Variants in ZNF594 observed in about 807,000 individuals in gnomAD.
The protein encoded by ZNF594 is zinc finger protein 594, also known as zinc finger protein HZF18.
For missense variants in ZNF594, 1,037 were observed against 964.6 expected (o/e 1.08, Z -0.99); for synonymous variants, 336 against 309.4 (o/e 1.09, Z -0.90).
intron 1 of ZNF594, among the ~76,000 whole-genome samples, chr17:5,186,160 T>TC (rs1199885823): frequency 6.6e-6 from 1 of 152,242 alleles, no homozygotes; most frequent in Non-Finnish European, 1.5e-5. Context: ...GCAGAGGTTC[T>TC]CCATGAGATC....
chr17:5,183,162 T>C lies in ZNF594; in HGVS notation c.1095A>G (p.Glu365=), dbSNP rs531406743. 49 of 1,614,218 alleles carry C rather than the reference T, an allele frequency of 3.0e-5. No homozygotes were observed. The highest frequency in any genetic ancestry group is 1.5e-4 in the African/African-American group (11 of 75,072). The change falls in exon 2 of 2, where the codon GAA becomes GAG. Residue 365 remains glutamate (E), a synonymous_variant. Coordinates refer to ENST00000575779, the MANE Select transcript of ZNF594 (RefSeq NM_032530.2). ...KTFSKDEELR[E]EQRIHQEEKA... ...TCTCTTCCTGGTGAATTCTCTGCTC[T>C]TCCCTAAGCTCCTCATCCTTGCTGA...
At chr17:5,178,118 C>T (rs1390111046), downstream of ZNF594, among the ~76,000 whole-genome samples, 9 of 144,586 alleles carry the variant, frequency 6.2e-5, no homozygotes, top group Admixed American at 3.4e-4. Context: ...ACAATCTGAA[C>T]AGGACCTTAG....
chr17:5,182,378 T>G lies in ZNF594; in HGVS notation c.1879A>C (p.Asn627His). 8.1e-6 allele frequency: 13 copies of G among 1,613,676 alleles called. No homozygotes were observed. Among genetic ancestry groups the G allele is most frequent in the Non-Finnish European group, 1.1e-5 (13 of 1,180,010 alleles). The change falls in exon 2 of 2, where the codon AAC (asparagine) becomes CAC (histidine). Residue 627 changes from asparagine to histidine, a missense_variant. Physicochemically the swap from Asn to His is moderately conservative, Grantham distance 68. Coordinates refer to ENST00000575779, the MANE Select transcript of ZNF594 (RefSeq NM_032530.2). ...CCCCTAAAAGATTTCCCACATTTGTTGCATACATAAGGTTTTTCTCCACTG... is the reference window on the plus strand; with the variant it reads ...CCCCTAAAAGATTTCCCACATTTGTGGCATACATAAGGTTTTTCTCCACTG... ...IHSGEKPYVC[N>H]KCGKSFRGSS...
rs756656229 is a variant in ZNF594, at chr17:5,182,376, G to A, written c.1881C>T (p.Asn627=). 2 of 1,613,108 alleles carry A rather than the reference G, an allele frequency of 1.2e-6. No individual in the cohort carries two copies. The highest frequency in any genetic ancestry group is 8.5e-7 in the Non-Finnish European group (1 of 1,179,894). ...IHSGEKPYVC[N]KCGKSFRGSS... ...TACCCCTAAAAGATTTCCCACATTTGTTGCATACATAAGGTTTTTCTCCAC... is the reference window on the plus strand; with the variant it reads ...TACCCCTAAAAGATTTCCCACATTTATTGCATACATAAGGTTTTTCTCCAC... The change falls in exon 2 of 2, where the codon AAC becomes AAT. Residue 627 remains asparagine (N), a synonymous_variant. Coordinates refer to ENST00000575779, the MANE Select transcript of ZNF594 (RefSeq NM_032530.2).
downstream of ZNF594, among the ~76,000 whole-genome samples, chr17:5,176,714 C>G (rs1200603573): frequency 6.6e-6 from 1 of 151,532 alleles, no homozygotes; most frequent in African/African-American, 2.4e-5. Flanking sequence ...TCAGATAAAT[C>G]CCTGCTTAGA....
At chr17:5,185,977 G>A (rs1033156650) in intron 1 of ZNF594, among the ~76,000 whole-genome samples, 2 of 152,184 alleles carry the variant, frequency 1.3e-5, no homozygotes, top group African/African-American at 4.8e-5. Context: ...GCTTTCACGG[G>A]CTGGTGTTGA....
chr17:5,178,341 G>T (rs118099219), downstream of ZNF594, among the ~76,000 whole-genome samples: 726 of 152,124 alleles, frequency 4.8e-3, 7 homozygotes, highest in African/African-American at 0.015. Context: ...ATTATTTACA[G>T]TATATGTAAA....
Position 5,182,179 on chromosome 17 carries a change from G to C in ZNF594, c.2078C>G (p.Ser693Cys), listed in dbSNP as rs772579828. The C allele has an allele frequency of 3.0e-5, 49 of 1,613,402 alleles. No homozygotes were observed. The highest frequency in any genetic ancestry group is 5.0e-5 in the Admixed American group (3 of 59,980). Residue 693 changes from serine to cysteine, a missense_variant, in exon 2 of 2, where the codon TCC becomes TGC. Coordinates refer to ENST00000575779, the MANE Select transcript of ZNF594 (RefSeq NM_032530.2). ...AAGTCTCCGATGTTGAATAAGGAGG[G>C]AACGCCGCCTGAAGGCATTCCCACA... Reference protein sequence around the residue: ...SECGNAFRRRSLLIQHRRLHS... With the variant: ...SECGNAFRRRCLLIQHRRLHS...
Position 5,182,427 on chromosome 17 carries a change from G to T in ZNF594, c.1830C>A (p.Asp610Glu), listed in dbSNP as rs375618378. ...ECGKTFNQSS[D>E]LLRHHRIHSG... ...TGTGAATTCTATGATGTCTCAGAAG[G>T]TCTGAGCTCTGATTGAAAGTTTTCC... is the stretch of plus-strand genomic sequence containing the variant. Residue 610 changes from aspartate to glutamate, a missense_variant, in exon 2 of 2, where the codon GAC becomes GAA. Transcript: ENST00000575779. 3 of 1,613,474 alleles carry T rather than the reference G, an allele frequency of 1.9e-6. No homozygotes were observed. Among genetic ancestry groups the T allele is most frequent in the Non-Finnish European group, 2.5e-6 (3 of 1,179,958 alleles).
chr17:5,180,949 T>C lies in ZNF594; in HGVS notation c.*884A>G, dbSNP rs1013814466. On this transcript the variant is annotated 3_prime_UTR_variant, in exon 2 of 2. Transcript: ENST00000575779. ...ATTAGGTTTCTGCTACCTATTAGAA[T>C]AGGTCCTGTTTGTAGACTCTTACAG... 3 of 686,854 alleles carry C rather than the reference T, an allele frequency of 4.4e-6. No homozygotes were observed. In the East Asian group the frequency reaches 8.3e-5, roughly 19 times the overall value. The allele number at this position is 686,854 out of a possible 1,614,324, so 42.5% of individuals were successfully genotyped here.
downstream of ZNF594, among the ~76,000 whole-genome samples, chr17:5,176,395 CAAAAA>C (rs34510280): frequency 4.7e-5 from 4 of 85,618 alleles, no homozygotes; most frequent in African/African-American, 8.9e-5. Context: ...AACTCTGTCT[CAAAAA>C]AAAAAAAAAA....
Position 5,181,567 on chromosome 17 carries a change from C to T in ZNF594, c.*266G>A. Reference sequence around the variant, plus strand: ...CATTCCTTACATTCATAGGGTTTCTCACCACTATGAATTCTCCGACGTTGA... The same window carrying T: ...CATTCCTTACATTCATAGGGTTTCTTACCACTATGAATTCTCCGACGTTGA... On this transcript the variant is annotated 3_prime_UTR_variant, in exon 2 of 2. Transcript: ENST00000575779. 1 of 1,613,724 alleles carries T rather than the reference C, an allele frequency of 6.2e-7. No individual in the cohort carries two copies. Among genetic ancestry groups the T allele is most frequent in the Non-Finnish European group, 8.5e-7 (1 of 1,179,704 alleles).
chr17:5,186,999 C>A (rs1274938095), intron 1 of ZNF594, among the ~76,000 whole-genome samples: 1 of 152,196 alleles, frequency 6.6e-6, no homozygotes, highest in African/African-American at 2.4e-5. Context: ...TCTTCTGAGC[C>A]CCCCAGACTG....
chr17:5,179,221 C>G (rs1270493393), downstream of ZNF594, among the ~76,000 whole-genome samples: 1 of 146,932 alleles, frequency 6.8e-6, no homozygotes, highest in Admixed American at 7.1e-5. Flanking sequence ...GTTCCTCTCT[C>G]TCTCTGTGCC....
In ZNF594 at chr17:5,183,276, T is replaced by TTC. The variant is rs2074361022; in HGVS notation, c.980_981insGA (p.Cys328AsnfsTer70). The TTC allele has an allele frequency of 6.2e-7, 1 of 1,614,090 alleles. No homozygotes were observed. The highest frequency in any genetic ancestry group is 2.2e-5 in the East Asian group (1 of 44,900). On this transcript the variant is annotated frameshift_variant, in exon 2 of 2. Transcript: ENST00000575779. LOFTEE classifies it low-confidence loss of function (END_TRUNC). ...TGCGCCCACTGAAGGTCTTCCCACA[T>TTC]CTGTGACATTCATAGGGTTTCTCTC...
chr17:5,180,993 A>G lies in ZNF594; in HGVS notation c.*840T>C, dbSNP rs1212371416. 1 of 748,732 alleles carries G rather than the reference A, an allele frequency of 1.3e-6. No homozygotes were observed. Among genetic ancestry groups the G allele is most frequent in the Non-Finnish European group, 2.4e-6 (1 of 425,330 alleles). 46.4% of individuals were successfully genotyped at this position (748,732 alleles called of 1,614,324 possible). A position where few individuals can be genotyped will look rare whatever the true frequency, so the allele number is the denominator to read the frequency against. On this transcript the variant is annotated 3_prime_UTR_variant, in exon 2 of 2. Transcript: ENST00000575779. ...CTTACAGTCTTCAAATTCCTTTCCA[A>G]TGTGAAGTTTCTGGTGCTTAAGAAA... is the stretch of plus-strand genomic sequence containing the variant.
At chr17:5,187,887 C>CTT (rs58396316) in intron 1 of ZNF594, among the ~76,000 whole-genome samples, 1,951 of 132,540 alleles carry the variant, frequency 0.015, 43 homozygotes, top group African/African-American at 0.043. Flanking sequence ...GCTGGATTTC[C>CTT]TTTTTTTTTT....
At chr17:5,175,711 G>C (rs1164295378), downstream of ZNF594, among the ~76,000 whole-genome samples, 2 of 152,078 alleles carry the variant, frequency 1.3e-5, no homozygotes, top group Non-Finnish European at 2.9e-5. Flanking sequence ...CTTCTCATTT[G>C]CATAATGCCT....
chr17:5,190,165 G>A (rs556926554), intron 1 of ZNF594, among the ~76,000 whole-genome samples: 2 of 152,242 alleles, frequency 1.3e-5, no homozygotes, highest in African/African-American at 2.4e-5. Flanking sequence ...TTGGGAGTTC[G>A]AGACCAGCCT....
Sources: allele counts gnomAD v4.1 joint callset (sites outside exome capture counted in the v4.1 genomes callset), GRCh38; gene constraint gnomAD v4.1.1; transcripts MANE v1.5; gene names NCBI Gene and HGNC (gene_info 2026-07-23, HGNC 2026-07-21).